KPNA1: variants seen among roughly 807,000 people sequenced by gnomAD.
KPNA1 encodes the protein karyopherin subunit alpha 1.
Under a neutral mutation model 70.5 loss-of-function variants are expected in KPNA1, and 10 were observed. The ratio of observed to expected loss-of-function variants is 0.14; its 90% confidence interval spans 0.09 to 0.24. The LOEUF (loss-of-function observed/expected upper bound fraction) is 0.24. KPNA1 is among the 10% of genes least tolerant of loss of function. The pLI, the probability that KPNA1 is intolerant of heterozygous loss-of-function variation, is 1.00. For missense variants in KPNA1, 397 were observed against 637.9 expected, an observed-to-expected ratio of 0.62 and a Z score of 4.07; for synonymous variants, 192 against 221.9, an observed-to-expected ratio of 0.87 and a Z score of 1.20.
rs1434807039 is a variant in KPNA1 at position 122,467,419 on chromosome 3, C to T, written c.140G>A (p.Arg47Gln). 1.9e-5 allele frequency: 31 copies of T among 1,600,048 alleles called. No individual in the cohort carries two copies. Among genetic ancestry groups the T allele is most frequent in the Non-Finnish European group, 2.6e-5 (30 of 1,169,754 alleles). ...TTCTTCTGCTGTAGCAACATTTCTC[C>T]GCTTGAATAACTGAAAGATAAAAGA... ...KQKREEQLFK[R>Q]RNVATAEEET... Residue 47 changes from arginine (R) to glutamine (Q), a missense_variant, in exon 3 of 14, where the codon CGG becomes CAG. Arg to Gln is a conservative substitution (Grantham distance 43). Transcript: ENST00000344337.
intron 2 of KPNA1, among the ~76,000 whole-genome samples, chr3:122,472,912 T>G (rs775157554): frequency 1.8e-4 from 28 of 151,768 alleles, no homozygotes; most frequent in Non-Finnish European, 2.1e-4. Context: ...AAAACCCCGT[T>G]TCCACTAAAA....
At chr3:122,468,276 A>T (rs541869826) in intron 2 of KPNA1, among the ~76,000 whole-genome samples, 1 of 152,260 alleles carries the variant, frequency 6.6e-6, no homozygotes, top group East Asian at 1.9e-4. Flanking sequence ...TGCTCCTTGG[A>T]TTTGAGAAAA....
At chr3:122,482,139 TG>T (rs1395621031) in intron 2 of KPNA1, among the ~76,000 whole-genome samples, 3 of 152,246 alleles carry the variant, frequency 2.0e-5, no homozygotes, top group African/African-American at 7.2e-5. Context: ...CAAACCTAGA[TG>T]GAATAGCTAC....
intron 13 of KPNA1, 173 bp downstream of exon 13, chr3:122,427,365 A>C (rs2075836210): frequency 1.3e-6 from 1 of 749,232 alleles, no homozygotes; most frequent in Non-Finnish European, 2.1e-6. Context: ...AGCTAGTATT[A>C]TAAACTGACA....
intron 1 of KPNA1, among the ~76,000 whole-genome samples, chr3:122,505,800 C>T (rs146802274): frequency 2.8e-4 from 43 of 152,274 alleles, no homozygotes; most frequent in African/African-American, 9.6e-4. Context: ...TTATCTGATC[C>T]GATCTATTCC....
intron 12 of KPNA1, among the ~76,000 whole-genome samples, chr3:122,430,018 T>G (rs2075879888): frequency 6.6e-6 from 1 of 152,020 alleles, no homozygotes; most frequent in Admixed American, 6.6e-5. Flanking sequence ...TAGTAATTCT[T>G]TCTTCTGCTT....
At chr3:122,457,045 G>A (rs1231112286) in intron 5 of KPNA1, among the ~76,000 whole-genome samples, 1 of 152,192 alleles carries the variant, frequency 6.6e-6, no homozygotes, top group East Asian at 1.9e-4. Flanking sequence ...TATGAGAGGA[G>A]GGAGTAAAAA....
At chr3:122,477,521 A>AGATTG in intron 2 of KPNA1, among the ~76,000 whole-genome samples, 1 of 152,074 alleles carries the variant, frequency 6.6e-6, no homozygotes, top group Non-Finnish European at 1.5e-5. Flanking sequence ...GCAACACAGC[A>AGATTG]AGACCCTGCC....
rs1288236391 is a variant in KPNA1, at chr3:122,461,928, TGACA to T, written c.338-614_338-611del. Among the ~76,000 whole-genome samples the T allele has an allele frequency of 2.6e-5, 4 of 152,310 alleles. No individual in the cohort carries two copies. In the East Asian group the frequency reaches 7.7e-4, roughly 29 times the overall value. The stretch of plus-strand genomic sequence containing the variant: ...CAGATTAATAACTTCAGCCAGAGAC[TGACA>T]AAGTTACTGACAATATGCGTGTGGC... On this transcript the variant is annotated intron_variant, in intron 4 of 13. Transcript: ENST00000344337.
At chr3:122,466,667 A>C (rs923939783) in intron 3 of KPNA1, among the ~76,000 whole-genome samples, 9 of 152,212 alleles carry the variant, frequency 5.9e-5, no homozygotes, top group African/African-American at 2.2e-4. Context: ...TAAATCATAC[A>C]AACAGGTCAA....
chr3:122,481,773 T>C (rs947480334), intron 2 of KPNA1, among the ~76,000 whole-genome samples: 1 of 152,230 alleles, frequency 6.6e-6, no homozygotes, highest in African/African-American at 2.4e-5. Context: ...TGGTTCAAGA[T>C]AAATAATATA....
chr3:122,498,593 C>G (rs1280726950), intron 1 of KPNA1, among the ~76,000 whole-genome samples: 1 of 152,202 alleles, frequency 6.6e-6, no homozygotes, highest in Non-Finnish European at 1.5e-5. Context: ...ACATTCAATT[C>G]TATTCCACTG....
In KPNA1 at chr3:122,433,584, AT is replaced by A. The variant is rs1447632177; in HGVS notation, c.1250+76del. The A allele has an allele frequency of 9.2e-6, 11 of 1,193,558 alleles. No homozygotes were observed. In the East Asian group the frequency reaches 2.9e-4, roughly 31 times the overall value. The allele number at this position is 1,193,558 out of a possible 1,614,324, so 73.9% of individuals were successfully genotyped here. A position where few individuals can be genotyped will look rare whatever the true frequency, so the allele number is the denominator to read the frequency against. ...CAGCTAATCTTTTACTCTAGGTAAT[AT>A]GTGGGAGGTTATAAAGTGATAGACA... On this transcript the variant is annotated intron_variant, in intron 12 of 13. Coordinates refer to ENST00000344337, the MANE Select transcript of KPNA1 (RefSeq NM_002264.4).
intron 13 of KPNA1, 130 bp from the exon 14 acceptor site, chr3:122,427,302 T>A: frequency 1.3e-6 from 1 of 776,552 alleles, no homozygotes; most frequent in Non-Finnish European, 2.0e-6. Flanking sequence ...ATTATTTGTA[T>A]CTCATAAGTA....
intron 1 of KPNA1, among the ~76,000 whole-genome samples, chr3:122,512,490 G>C (rs551708106): frequency 1.3e-5 from 2 of 152,368 alleles, no homozygotes; most frequent in East Asian, 1.9e-4. Flanking sequence ...GGGAGGCCGA[G>C]GAGGGCGGAT....
intron 8 of KPNA1, 83 bp downstream of exon 8, chr3:122,451,451 A>T (rs1355204944): frequency 1.5e-6 from 1 of 689,332 alleles, no homozygotes; most frequent in African/African-American, 1.8e-5. Flanking sequence ...AACAAAAATT[A>T]TCTTCCTGTT....
intron 6 of KPNA1, among the ~76,000 whole-genome samples, chr3:122,452,555 AG>A (rs1231062078): frequency 2.3e-4 from 11 of 47,474 alleles, no homozygotes; most frequent in Non-Finnish European, 3.3e-4. Flanking sequence ...GGAGGGAGGG[AG>A]GGAGGGAGGG....
rs1576340629 is a variant in KPNA1 at position 122,494,615 on chromosome 3, C to T, written c.129+1822G>A. Among the ~76,000 whole-genome samples the T allele has an allele frequency of 5.3e-5, 8 of 152,156 alleles. No individual in the cohort carries two copies. The South Asian group carries it at 1.5e-3, about 28-fold the overall frequency. The stretch of plus-strand genomic sequence containing the variant: ...CTTAAGATGGCTTTGGCAATTGGGG[C>T]TCTTTTTTGGTTCTGTATGAATCCT... On this transcript the variant is annotated intron_variant, in intron 2 of 13. Coordinates refer to ENST00000344337, the MANE Select transcript of KPNA1 (RefSeq NM_002264.4).
chr3:122,494,517 C>A (rs72960411), intron 2 of KPNA1, among the ~76,000 whole-genome samples: 2,284 of 152,246 alleles, frequency 0.015, 59 homozygotes, highest in African/African-American at 0.053. Context: ...CAGTACTGTG[C>A]TGTTTTCAAT....
Sources: gnomAD v4.1 joint callset for allele counts (sites outside exome capture counted in the v4.1 genomes callset) on GRCh38, gnomAD v4.1.1 for gene constraint, MANE v1.5 for transcripts, NCBI Gene and HGNC (gene_info 2026-07-23, HGNC 2026-07-21) for gene names.